PUM2: variants seen among roughly 807,000 people sequenced by gnomAD.
PUM2 encodes the protein pumilio RNA binding family member 2, also known as pumilio homolog 2.
PUM2 carries 57 observed loss-of-function variants against 124.5 expected under a neutral mutation model. That is an observed-to-expected ratio of 0.46 (90% CI 0.37 to 0.57). The LOEUF is 0.57. PUM2 is among the 20% of genes least tolerant of loss of function. The probability of loss-of-function intolerance (pLI) is 0.00; values close to 1 mark genes in which losing one functional copy is unlikely to be tolerated. For missense variants in PUM2, 1,065 were observed against 1,290.6 expected, an observed-to-expected ratio of 0.83 and a Z score of 2.68; for synonymous variants, 460 against 446.1, an observed-to-expected ratio of 1.03 and a Z score of -0.39.
intron 9 of PUM2, among the ~76,000 whole-genome samples, chr2:20,292,642 T>A (rs1460656808): frequency 6.6e-6 from 1 of 152,164 alleles, no homozygotes; most frequent in Non-Finnish European, 1.5e-5. Context: ...ATTAAAATTA[T>A]TTTCTAGGCT....
chr2:20,301,465 T>C (rs1392520270), intron 7 of PUM2, among the ~76,000 whole-genome samples: 2 of 152,304 alleles, frequency 1.3e-5, no homozygotes, highest in Non-Finnish European at 2.9e-5. Context: ...TTTCCTGATA[T>C]GTATACATAC....
At chr2:20,317,973 A>G (rs918637454) in intron 3 of PUM2, among the ~76,000 whole-genome samples, 12 of 152,102 alleles carry the variant, frequency 7.9e-5, no homozygotes, top group Non-Finnish European at 1.5e-4. Flanking sequence ...TGGTTTTGCT[A>G]TTATGGAATA....
At chr2:20,305,693 T>C (rs1678090351) in intron 7 of PUM2, among the ~76,000 whole-genome samples, 1 of 152,170 alleles carries the variant, frequency 6.6e-6, no homozygotes, top group Non-Finnish European at 1.5e-5. Context: ...ACGATTCAAC[T>C]ATTTTAAAAT....
intron 2 of PUM2, among the ~76,000 whole-genome samples, chr2:20,325,225 G>A (rs1045702679): frequency 1.3e-5 from 2 of 151,778 alleles, no homozygotes; most frequent in Non-Finnish European, 2.9e-5. Context: ...CAGTGTTAGT[G>A]CTTAAACTGT....
chr2:20,325,056 G>A (rs1259876355), intron 2 of PUM2, among the ~76,000 whole-genome samples: 2 of 152,034 alleles, frequency 1.3e-5, no homozygotes, highest in Non-Finnish European at 2.9e-5. Context: ...TCACCTGTCA[G>A]GAAAGGAGGA....
At chr2:20,289,581 T>G (rs951500936) in intron 10 of PUM2, among the ~76,000 whole-genome samples, 5 of 152,216 alleles carry the variant, frequency 3.3e-5, no homozygotes, top group Non-Finnish European at 7.3e-5. Context: ...CCCACTCTAC[T>G]ATCATTTCTA....
chr2:20,311,598 A>C lies in PUM2; in HGVS notation c.414T>G (p.Phe138Leu), dbSNP rs1386360649. The change falls in exon 5 of 21, where the codon TTT becomes TTG. Residue 138 changes from phenylalanine to leucine, a missense_variant. Physicochemically the swap from Phe to Leu is conservative, Grantham distance 22. Coordinates refer to ENST00000361078, the MANE Select transcript of PUM2 (RefSeq NM_015317.5). ...KGDQKGKASP[F>L]EEDQNRDLKQ... ...TAAGATCTCTGTTTTGGTCCTCCTC[A>C]AATGGAGAAGCCTTGCCTTTTTGAT... 2.5e-6 allele frequency: 4 copies of C among 1,613,570 alleles called. No homozygotes were observed. The South Asian group carries it at 3.3e-5, about 13-fold the overall frequency.
chr2:20,290,987 G>C (rs17669604), intron 9 of PUM2, among the ~76,000 whole-genome samples, 197 bp from the exon 10 acceptor site: 248 of 152,176 alleles, frequency 1.6e-3, no homozygotes, highest in Non-Finnish European at 2.9e-3. Flanking sequence ...TTAACAGCTA[G>C]AACAATCTAT....
chr2:20,271,406 T>C (rs987853293), intron 13 of PUM2, among the ~76,000 whole-genome samples: 6 of 152,106 alleles, frequency 3.9e-5, no homozygotes, highest in Non-Finnish European at 1.5e-5. Flanking sequence ...CTCCGTCTCC[T>C]GGGTTCAAGC....
chr2:20,254,750 C>CAA, intron 19 of PUM2, 113 bp downstream of exon 19: 16 of 994,344 alleles, frequency 1.6e-5, no homozygotes, highest in South Asian at 8.5e-5. Context: ...TTAATGATAC[C>CAA]AAAAAAAAAA....
At position 20,318,488 on chromosome 2, in the gene PUM2, T is replaced by C. The variant is rs755216000; in HGVS notation, c.160+49A>G. On this transcript the variant is annotated intron_variant, in intron 3 of 20. Coordinates refer to ENST00000361078, the MANE Select transcript of PUM2 (RefSeq NM_015317.5). The stretch of plus-strand genomic sequence containing the variant: ...AAAAAAAAAGGTGCATTATGACTTA[T>C]AAAATGCTAAATATATTCACAATTC... 1.1e-5 allele frequency: 16 copies of C among 1,506,662 alleles called. No homozygotes were observed. In the African/African-American group the frequency reaches 1.8e-4, roughly 17 times the overall value. The allele number at this position is 1,506,662 out of a possible 1,614,324, so 93.3% of individuals were successfully genotyped here. A position where few individuals can be genotyped will look rare whatever the true frequency, so the allele number is the denominator to read the frequency against.
At chr2:20,260,314 T>C (rs781647336) in intron 15 of PUM2, 23 bp downstream of exon 15, 8 of 1,590,772 alleles carry the variant, frequency 5.0e-6, no homozygotes, top group Non-Finnish European at 6.9e-6. Flanking sequence ...TGGGCGGATA[T>C]ACAAATATGC....
intron 10 of PUM2, among the ~76,000 whole-genome samples, chr2:20,285,595 T>TC (rs1672544464): frequency 6.6e-6 from 1 of 152,150 alleles, no homozygotes; most frequent in African/African-American, 2.4e-5. Context: ...TGATATTTTT[T>TC]CCCACTCTCA....
At position 20,337,151 on chromosome 2, in the gene PUM2, G is replaced by GTAT. The variant is rs1302298570; in HGVS notation, c.-18-9774_-18-9773insATA. Among the ~76,000 whole-genome samples, 5 of 151,720 alleles carry GTAT rather than the reference G, an allele frequency of 3.3e-5. No homozygotes were observed. In the East Asian group the frequency reaches 7.7e-4, roughly 23 times the overall value. On this transcript the variant is annotated intron_variant, in intron 1 of 20. Coordinates refer to ENST00000361078, the MANE Select transcript of PUM2 (RefSeq NM_015317.5). The stretch of plus-strand genomic sequence containing the variant: ...GGGGGAAGCAGATTACACAGACTGT[G>GTAT]GTATAGGCCTAAATGTCAAAAAAAA...
intron 7 of PUM2, 26 bp from the exon 8 acceptor site, chr2:20,297,704 T>C (rs774808080): frequency 1.9e-6 from 3 of 1,593,218 alleles, no homozygotes; most frequent in Non-Finnish European, 2.6e-6. Flanking sequence ...GGAGAAATAA[T>C]AAACAACAAT....
At chr2:20,312,600 T>C (rs193117135) in intron 3 of PUM2, among the ~76,000 whole-genome samples, 177 bp from the exon 4 acceptor site, 1 of 152,302 alleles carries the variant, frequency 6.6e-6, no homozygotes, top group African/African-American at 2.4e-5. Flanking sequence ...CATTCCATGC[T>C]CATAGATAGG....
chr2:20,309,375 T>C (rs1393188271), intron 5 of PUM2, among the ~76,000 whole-genome samples: 1 of 151,106 alleles, frequency 6.6e-6, no homozygotes, highest in Non-Finnish European at 1.5e-5. Context: ...AATCGAAATG[T>C]ATGACATTTA....
At chr2:20,271,966 C>G (rs908887651) in intron 13 of PUM2, among the ~76,000 whole-genome samples, 16 of 152,124 alleles carry the variant, frequency 1.1e-4, no homozygotes, top group Non-Finnish European at 1.9e-4. Flanking sequence ...CAAGACCAGC[C>G]TGACCAACAT....
At chr2:20,307,047 C>T (rs1370195057) in intron 7 of PUM2, among the ~76,000 whole-genome samples, 1 of 151,988 alleles carries the variant, frequency 6.6e-6, no homozygotes, top group Admixed American at 6.5e-5. Flanking sequence ...AAACCCCCGT[C>T]TCTACTAAAA....
Sources: gnomAD v4.1 joint callset for allele counts (sites outside exome capture counted in the v4.1 genomes callset) on GRCh38, gnomAD v4.1.1 for gene constraint, MANE v1.5 for transcripts, NCBI Gene and HGNC (gene_info 2026-07-23, HGNC 2026-07-21) for gene names.